Variants in PCOLCE2 observed in about 807,000 individuals in gnomAD.
PCOLCE2 encodes procollagen C-endopeptidase enhancer 2, also known as procollagen C-proteinase enhancer 2.
In PCOLCE2, 42 loss-of-function variants were observed where a neutral mutation model predicts 47.0. The observed-to-expected ratio is 0.89, with a 90% CI of 0.70 to 1.16. PCOLCE2 has a LOEUF of 1.16. PCOLCE2 is among the 50% of genes most tolerant of loss of function. The pLI is 0.00. For synonymous variants in PCOLCE2, 169 were observed against 191.7 expected, an observed-to-expected ratio of 0.88 and a Z score of 0.98; for missense variants, 500 against 526.1, an observed-to-expected ratio of 0.95 and a Z score of 0.49.
chr3:142,888,630 T>C (rs945949917), intron 1 of PCOLCE2, 184 bp downstream of exon 1: 46 of 433,720 alleles, frequency 1.1e-4, no homozygotes, highest in Non-Finnish European at 1.8e-4. Flanking sequence ...CGAGCAAGGA[T>C]GGGTCCCGAA....
rs41267847 is a variant in PCOLCE2 at position 142,848,433 on chromosome 3, T to C, written c.232A>G (p.Ile78Val). Reference sequence around the variant, plus strand: ...CACAGGTTGTCACTCTCGAGGTCTATGAATCGGAAATTGAGAACGACTACT... The same window carrying C: ...CACAGGTTGTCACTCTCGAGGTCTACGAATCGGAAATTGAGAACGACTACT... The part of the protein sequence containing the change: ...GKVVVLNFRF[I>V]DLESDNLCRY... Residue 78 changes from isoleucine (I) to valine (V), a missense_variant, in exon 3 of 9, where the codon ATA becomes GTA. Transcript: ENST00000295992. The C allele has an allele frequency of 4.4e-6, 7 of 1,604,836 alleles. No individual in the cohort carries two copies. The highest frequency in any genetic ancestry group is 2.2e-5 in the South Asian group (2 of 90,754).
At position 142,848,457 on chromosome 3, in the gene PCOLCE2, C is replaced by A. The variant is rs569272508; in HGVS notation, c.208G>T (p.Val70Leu). 1.3e-6 allele frequency: 2 copies of A among 1,596,986 alleles called. No individual in the cohort carries two copies. The highest frequency in any genetic ancestry group is 1.7e-6 in the Non-Finnish European group (2 of 1,166,924). ...ATGAATCGGAAATTGAGAACGACTACTTTTCCTTCGGGAACCTGCCAAGAA... is the reference window on the plus strand; with the variant it reads ...ATGAATCGGAAATTGAGAACGACTAATTTTCCTTCGGGAACCTGCCAAGAA... Reference protein sequence around the residue: ...TWKITVPEGKVVVLNFRFIDL... With the variant: ...TWKITVPEGKLVVLNFRFIDL... Residue 70 changes from valine to leucine, a missense_variant, in exon 3 of 9, where the codon GTA becomes TTA. Coordinates refer to ENST00000295992, the MANE Select transcript of PCOLCE2 (RefSeq NM_013363.4).
At position 142,856,338 on chromosome 3, in the gene PCOLCE2, T is replaced by C. The variant is rs749347138; in HGVS notation, c.193-7866A>G. On this transcript the variant is annotated intron_variant, in intron 2 of 8. Transcript: ENST00000295992. ...AGCCCCTGTTATCACCTCTGAGTTA[T>C]CACCGCTGAGTCCTTTACCTGTGGC... Among the ~76,000 whole-genome samples, 58 of 152,334 alleles carry C rather than the reference T, an allele frequency of 3.8e-4. No individual in the cohort carries two copies. The Middle Eastern group carries it at 0.02, about 54-fold the overall frequency.
chr3:142,849,622 A>C (rs1937367892), intron 2 of PCOLCE2, among the ~76,000 whole-genome samples: 1 of 152,070 alleles, frequency 6.6e-6, no homozygotes, highest in African/African-American at 2.4e-5. Context: ...ACCACCTTTT[A>C]ATTTCTTCAT....
chr3:142,831,759 G>A (rs755364666), intron 5 of PCOLCE2, among the ~76,000 whole-genome samples: 1 of 152,164 alleles, frequency 6.6e-6, no homozygotes, highest in Non-Finnish European at 1.5e-5. Context: ...AATCAGGTCA[G>A]CCTTCTAGAC....
At chr3:142,849,901 T>C (rs1310916839) in intron 2 of PCOLCE2, among the ~76,000 whole-genome samples, 2 of 152,220 alleles carry the variant, frequency 1.3e-5, no homozygotes, top group Non-Finnish European at 2.9e-5. Context: ...TATTTTCCTA[T>C]GGTAAGATGA....
intron 2 of PCOLCE2, among the ~76,000 whole-genome samples, chr3:142,871,683 A>T (rs1233277667): frequency 3.3e-5 from 5 of 152,154 alleles, no homozygotes; most frequent in Non-Finnish European, 7.4e-5. Context: ...GTATCTTCTC[A>T]CTGGAAGTTT....
At chr3:142,875,052 A>C (rs749777097) in intron 2 of PCOLCE2, among the ~76,000 whole-genome samples, 2 of 152,226 alleles carry the variant, frequency 1.3e-5, no homozygotes, top group African/African-American at 2.4e-5. Flanking sequence ...GATTTATAGG[A>C]ACAAATTTTC....
intron 2 of PCOLCE2, among the ~76,000 whole-genome samples, chr3:142,848,916 G>A (rs918729223): frequency 6.6e-6 from 1 of 152,132 alleles, no homozygotes; most frequent in Non-Finnish European, 1.5e-5. Context: ...CACTTTGGGA[G>A]GCCGAGGTGG....
intron 2 of PCOLCE2, among the ~76,000 whole-genome samples, chr3:142,880,185 T>C (rs926397196): frequency 3.3e-5 from 5 of 151,170 alleles, no homozygotes; most frequent in Non-Finnish European, 5.9e-5. Context: ...GTTAAATTAC[T>C]ATTCAGGCAA....
At chr3:142,871,154 C>T (rs73864476) in intron 2 of PCOLCE2, among the ~76,000 whole-genome samples, 2,607 of 152,296 alleles carry the variant, frequency 0.017, 79 homozygotes, top group African/African-American at 0.059. Flanking sequence ...TCTTACACCC[C>T]TCGTCTTGTC....
intron 7 of PCOLCE2, among the ~76,000 whole-genome samples, 199 bp downstream of exon 7, chr3:142,823,333 A>C (rs1332173349): frequency 6.6e-6 from 1 of 152,242 alleles, no homozygotes; most frequent in Admixed American, 6.5e-5. Flanking sequence ...ATATGAAAAA[A>C]GTATATTTTC....
intron 6 of PCOLCE2, chr3:142,827,336 G>C (rs1937093072): frequency 4.2e-6 from 6 of 1,433,568 alleles, no homozygotes; most frequent in Non-Finnish European, 4.9e-6. Flanking sequence ...CTTCAAGATG[G>C]GTTTGTCAGT....
Position 142,829,281 on chromosome 3 carries a change from C to CAA in PCOLCE2, c.865+409_865+410dup, listed in dbSNP as rs71629547. On this transcript the variant is annotated intron_variant, in intron 6 of 8. Coordinates refer to ENST00000295992, the MANE Select transcript of PCOLCE2 (RefSeq NM_013363.4). ...TTTTATATGACATTTCGCTGAGAAG[C>CAA]AAAAAAAAAAACCAAAAACAAACAT... 4.0e-3 allele frequency among the ~76,000 whole-genome samples: 555 copies of CAA among 139,218 alleles called. 2 individuals carry two copies. Among genetic ancestry groups the CAA allele is most frequent in the Non-Finnish European group, 6.1e-3 (394 of 64,252 alleles). The allele number at this position is 139,218 out of a possible 152,430, so 91.3% of individuals were successfully genotyped here.
intron 8 of PCOLCE2, among the ~76,000 whole-genome samples, chr3:142,820,675 C>T (rs1937002638): frequency 6.6e-6 from 1 of 152,206 alleles, no homozygotes. Flanking sequence ...ACGCTTCTTT[C>T]ACTTGTTCAT....
chr3:142,867,989 T>C (rs892078985), intron 2 of PCOLCE2, among the ~76,000 whole-genome samples: 1 of 152,116 alleles, frequency 6.6e-6, no homozygotes, highest in Non-Finnish European at 1.5e-5. Flanking sequence ...AACTCAGAAA[T>C]GAAATGGTTA....
intron 6 of PCOLCE2, chr3:142,827,061 TG>T: frequency 2.7e-6 from 3 of 1,114,930 alleles, no homozygotes; most frequent in Non-Finnish European, 4.0e-6. Flanking sequence ...TACTTTTTTT[TG>T]GCATAAAGAC....
At chr3:142,885,775 C>T (rs140269930) in intron 2 of PCOLCE2, among the ~76,000 whole-genome samples, 1 of 152,296 alleles carries the variant, frequency 6.6e-6, no homozygotes, top group African/African-American at 2.4e-5. Context: ...ACCAGATAAG[C>T]TCATTCCTCT....
intron 2 of PCOLCE2, among the ~76,000 whole-genome samples, chr3:142,872,745 C>T (rs969458231): frequency 1.3e-5 from 2 of 152,096 alleles, no homozygotes; most frequent in African/African-American, 2.4e-5. Flanking sequence ...TGACAATGCC[C>T]GTTTCCCTCA....
Sources: gnomAD v4.1 joint callset for allele counts (sites outside exome capture counted in the v4.1 genomes callset) on GRCh38, gnomAD v4.1.1 for gene constraint, MANE v1.5 for transcripts, NCBI Gene and HGNC (gene_info 2026-07-23, HGNC 2026-07-21) for gene names.